KLF12: variants seen among roughly 807,000 people sequenced by gnomAD.
The protein encoded by KLF12 is Krueppel-like factor 12.
A neutral mutation model predicts 37.8 loss-of-function variants in KLF12; 9 were observed. That is an observed-to-expected ratio of 0.24 (90% confidence interval 0.14 to 0.42). The LOEUF (loss-of-function observed/expected upper bound fraction) is 0.42, where lower values mean the gene tolerates loss of function less well. Ranked by LOEUF, KLF12 falls within the 10% of genes least tolerant of loss-of-function variation. The pLI, the probability that KLF12 is intolerant of heterozygous loss-of-function variation, is 1.00. For missense variants in KLF12, 411 were observed against 516.0 expected, an observed-to-expected ratio of 0.80 and a Z score of 1.97; for synonymous variants, 208 against 202.1, an observed-to-expected ratio of 1.03 and a Z score of -0.25.
At chr13:73,924,671 T>C (rs543446293) in intron 3 of KLF12, among the ~76,000 whole-genome samples, 3 of 152,276 alleles carry the variant, frequency 2.0e-5, no homozygotes, top group African/African-American at 4.8e-5. Context: ...AAGGGTTCCA[T>C]GTCTCTCACT....
intron 1 of KLF12, among the ~76,000 whole-genome samples, chr13:74,035,566 T>C (rs1260903082): frequency 6.6e-6 from 1 of 152,222 alleles, no homozygotes; most frequent in Non-Finnish European, 1.5e-5. Context: ...ATGTGATGTC[T>C]GAATGAAGCC....
intron 5 of KLF12, among the ~76,000 whole-genome samples, chr13:73,766,480 TTC>T (rs1363312268): frequency 6.6e-6 from 1 of 152,186 alleles, no homozygotes; most frequent in African/African-American, 2.4e-5. Flanking sequence ...CTTTTTTACT[TTC>T]TGTCTGCTTG....
intron 3 of KLF12, among the ~76,000 whole-genome samples, chr13:73,881,926 T>G (rs1887001317): frequency 6.6e-6 from 1 of 152,118 alleles, no homozygotes; most frequent in Admixed American, 6.5e-5. Context: ...TATTATAAAA[T>G]AAAATAAACA....
At chr13:74,121,000 T>G (rs1877603296) in intron 1 of KLF12, among the ~76,000 whole-genome samples, 1 of 152,048 alleles carries the variant, frequency 6.6e-6, no homozygotes, top group Non-Finnish European at 1.5e-5. Flanking sequence ...AATAGCAAGT[T>G]CCAGAAACCC....
At chr13:74,223,807 G>A in the KLF12 span, among the ~76,000 whole-genome samples, 1 of 152,118 alleles carries the variant, frequency 6.6e-6, no homozygotes, top group Non-Finnish European at 1.5e-5. Flanking sequence ...AGTTGTGTGT[G>A]ACTATCTGGG....
the KLF12 span, among the ~76,000 whole-genome samples, chr13:74,265,786 G>A: frequency 6.6e-6 from 1 of 152,130 alleles, no homozygotes; most frequent in African/African-American, 2.4e-5. Context: ...CTTAACTCAG[G>A]AATAAGAGTT....
At chr13:74,122,766 TAA>T (rs1177107155) in intron 1 of KLF12, among the ~76,000 whole-genome samples, 1 of 151,916 alleles carries the variant, frequency 6.6e-6, no homozygotes, top group Non-Finnish European at 1.5e-5. Context: ...CAAAAAAAGA[TAA>T]AAGAGTTTCA....
At chr13:73,828,647 C>G (rs1594139879) in intron 4 of KLF12, among the ~76,000 whole-genome samples, 1 of 152,264 alleles carries the variant, frequency 6.6e-6, no homozygotes, top group Non-Finnish European at 1.5e-5. Context: ...ACATTCAACC[C>G]TTCATGCCCA....
intron 3 of KLF12, among the ~76,000 whole-genome samples, chr13:73,938,244 A>C (rs1309549886): frequency 3.3e-5 from 5 of 152,198 alleles, no homozygotes; most frequent in Non-Finnish European, 7.3e-5. Flanking sequence ...ACAGATGTAC[A>C]CTAGATCGTT....
chr13:73,774,158 G>A (rs1377878662), intron 5 of KLF12, among the ~76,000 whole-genome samples: 1 of 152,074 alleles, frequency 6.6e-6, no homozygotes, highest in Admixed American at 6.6e-5. Context: ...TAAATAAAAA[G>A]AGATGATGAG....
At chr13:74,181,919 T>G in the KLF12 span, among the ~76,000 whole-genome samples, 1 of 152,194 alleles carries the variant, frequency 6.6e-6, no homozygotes, top group Non-Finnish European at 1.5e-5. Flanking sequence ...TGTGGTATGG[T>G]ATGTGTGTGA....
intron 5 of KLF12, among the ~76,000 whole-genome samples, chr13:73,769,661 G>C (rs1880145185): frequency 6.6e-6 from 1 of 151,946 alleles, no homozygotes; most frequent in African/African-American, 2.4e-5. Flanking sequence ...CTGAAAACCA[G>C]ACCCAGGTTT....
chr13:73,803,580 C>T (rs1486194987), intron 5 of KLF12, among the ~76,000 whole-genome samples: 3 of 152,066 alleles, frequency 2.0e-5, no homozygotes, highest in Non-Finnish European at 4.4e-5. Flanking sequence ...GAATCATATG[C>T]TTATTGTCTC....
chr13:73,856,416 C>T (rs9573319), intron 3 of KLF12, among the ~76,000 whole-genome samples: 8,291 of 152,246 alleles, frequency 0.054, 346 homozygotes, highest in East Asian at 0.17. Context: ...GGAAGGTACG[C>T]GTTTTAAGGA....
chr13:74,050,910 T>A (rs1315949331), intron 1 of KLF12, among the ~76,000 whole-genome samples: 1 of 152,154 alleles, frequency 6.6e-6, no homozygotes, highest in Non-Finnish European at 1.5e-5. Context: ...TCAAAAGACG[T>A]AGAAATGGCT....
chr13:73,843,611 C>T (rs1378180582), intron 4 of KLF12, among the ~76,000 whole-genome samples: 1 of 152,090 alleles, frequency 6.6e-6, no homozygotes, highest in Non-Finnish European at 1.5e-5. Flanking sequence ...CTGGCCTATA[C>T]ATTATGTTCC....
chr13:73,907,283 G>A (rs929853086), intron 3 of KLF12, among the ~76,000 whole-genome samples: 1 of 151,960 alleles, frequency 6.6e-6, no homozygotes, highest in African/African-American at 2.4e-5. Flanking sequence ...TCTACCTATG[G>A]TGCCTCCAGA....
rs114987318 is a variant in KLF12, at chr13:73,895,967, C to G, written c.123+48014G>C. On this transcript the variant is annotated intron_variant, in intron 3 of 7. Transcript: ENST00000377669. ...TCCCTTGTAGCTGGGACTACAGCCGCGTGCCACCACGCCTGACTAATTTTT... is the reference window on the plus strand; with the variant it reads ...TCCCTTGTAGCTGGGACTACAGCCGGGTGCCACCACGCCTGACTAATTTTT... 9.6e-3 allele frequency among the ~76,000 whole-genome samples: 1,466 copies of G among 152,048 alleles called. 21 individuals carry two copies. The highest frequency in any genetic ancestry group is 0.032 in the African/African-American group (1,334 of 41,458).
chr13:74,065,201 TACACACAC>T (rs77575006), intron 1 of KLF12, among the ~76,000 whole-genome samples: 11 of 112,052 alleles, frequency 9.8e-5, no homozygotes, highest in East Asian at 1.1e-3. Context: ...ATCTGATTCT[TACACACAC>T]ACACACACAC....
Sources: allele counts gnomAD v4.1 joint callset (sites outside exome capture counted in the v4.1 genomes callset), GRCh38; gene constraint gnomAD v4.1.1; transcripts MANE v1.5; gene names NCBI Gene and HGNC (gene_info 2026-07-23, HGNC 2026-07-21).